Variants in MYO1E observed in about 807,000 individuals in gnomAD.
The protein encoded by MYO1E is myosin IE.
MYO1E carries 68 observed loss-of-function variants against 151.1 expected under a neutral mutation model. That is an observed-to-expected ratio of 0.45 (90% CI 0.37 to 0.55). The LOEUF (loss-of-function observed/expected upper bound fraction) is 0.55, where lower values mean the gene tolerates loss of function less well. Among genes scored for constraint, MYO1E ranks in the 20% least tolerant of loss-of-function variants. MYO1E has a pLI of 0.00. For missense variants in MYO1E, 1,363 were observed against 1,389.3 expected, an observed-to-expected ratio of 0.98 and a Z score of 0.30; for synonymous variants, 601 against 501.7, an observed-to-expected ratio of 1.20 and a Z score of -2.64.
intron 19 of MYO1E, among the ~76,000 whole-genome samples, chr15:59,176,646 G>C (rs1273039855): frequency 6.6e-6 from 1 of 151,922 alleles, no homozygotes; most frequent in Non-Finnish European, 1.5e-5. Flanking sequence ...TTTTTTTGTA[G>C]AGAAGAGGTC....
At chr15:59,270,757 A>T (rs1347259529) in intron 2 of MYO1E, among the ~76,000 whole-genome samples, 1 of 151,366 alleles carries the variant, frequency 6.6e-6, no homozygotes, top group Non-Finnish European at 1.5e-5. Flanking sequence ...TCCTGCCTCA[A>T]CCTCCCAAGT....
In MYO1E at chr15:59,158,396, A is replaced by G; in HGVS notation, c.2786-17T>C. On this transcript the variant is annotated splice_polypyrimidine_tract_variant and intron_variant, in intron 24 of 27. Transcript: ENST00000288235. ...TGGTAGGACCTGAAATAAACAAGAC[A>G]AAGTTAAAACCAGTGCTACTGGTTG... The G allele has an allele frequency of 6.5e-7, 1 of 1,541,988 alleles. No individual in the cohort carries two copies. Among genetic ancestry groups the G allele is most frequent in the South Asian group, 1.2e-5 (1 of 83,980 alleles).
chr15:59,305,960 G>A (rs1325545768), intron 1 of MYO1E, among the ~76,000 whole-genome samples: 2 of 152,240 alleles, frequency 1.3e-5, no homozygotes, highest in East Asian at 1.9e-4. Context: ...GACAACTGCA[G>A]AGCTACACAG....
intron 2 of MYO1E, among the ~76,000 whole-genome samples, chr15:59,271,897 G>A (rs543057835): frequency 1.4e-4 from 22 of 152,336 alleles, no homozygotes; most frequent in Non-Finnish European, 2.5e-4. Context: ...TCAAAGGGAC[G>A]ATATTATAGA....
intron 14 of MYO1E, chr15:59,207,143 A>G (rs755896123): frequency 6.2e-7 from 1 of 1,614,238 alleles, no homozygotes; most frequent in East Asian, 2.2e-5. Context: ...AAGCCCGTTC[A>G]TCACAGTAAG....
At chr15:59,209,918 T>G (rs2079868327) in intron 13 of MYO1E, among the ~76,000 whole-genome samples, 1 of 130,116 alleles carries the variant, frequency 7.7e-6, no homozygotes, top group Admixed American at 9.4e-5. Flanking sequence ...CACCACATCC[T>G]CAACCTCCCA....
At chr15:59,207,486 GATT>G (rs749578942) in intron 14 of MYO1E, 5 of 1,613,928 alleles carry the variant, frequency 3.1e-6, no homozygotes, top group Admixed American at 1.7e-5. Context: ...ACTGCAAACT[GATT>G]ATTGTTTCCA....
chr15:59,247,329 AC>A lies in MYO1E; in HGVS notation c.332+8954del, dbSNP rs2080136458. Among the ~76,000 whole-genome samples, 3 of 152,354 alleles carry A rather than the reference AC, an allele frequency of 2.0e-5. No homozygotes were observed. In the South Asian group the frequency reaches 6.2e-4, roughly 32 times the overall value. On this transcript the variant is annotated intron_variant, in intron 4 of 27. Coordinates refer to ENST00000288235, the MANE Select transcript of MYO1E (RefSeq NM_004998.4). ...TGTCCTATGGTATATGGTAGCTATT[AC>A]ATCTCCATTAAAATATGGGAAATTT... is the stretch of plus-strand genomic sequence containing the variant.
Position 59,218,024 on chromosome 15 carries a change from CTTG to C in MYO1E, c.971_973del (p.Thr324del). On this transcript the variant is annotated inframe_deletion, in exon 10 of 28. Coordinates refer to ENST00000288235, the MANE Select transcript of MYO1E (RefSeq NM_004998.4). ...TCCCCACTTGCTATCCATCTGCCGG[CTTG>C]TTAGCTTTTCTTTCAACCGGTCCTG... 1 of 1,614,234 alleles carries C rather than the reference CTTG, an allele frequency of 6.2e-7. No homozygotes were observed. The highest frequency in any genetic ancestry group is 8.5e-7 in the Non-Finnish European group (1 of 1,180,046).
At position 59,133,498 on chromosome 15, in the gene MYO1E, A is replaced by G. The variant is rs1166902810; in HGVS notation, c.*3882T>C. 2.6e-5 allele frequency: 2 copies of G among 76,706 alleles called. No individual in the cohort carries two copies. Among genetic ancestry groups the G allele is most frequent in the African/African-American group, 9.5e-5 (2 of 21,056 alleles). The allele number at this position is 76,706 out of a possible 1,614,324, so 4.8% of individuals were successfully genotyped here. ...TCTTCTTGTTAGAAAGGGTGCTCAGAGTGGAAAGGTATGATCTAGTAGGGA... is the reference window on the plus strand; with the variant it reads ...TCTTCTTGTTAGAAAGGGTGCTCAGGGTGGAAAGGTATGATCTAGTAGGGA... On this transcript the variant is annotated 3_prime_UTR_variant, in exon 28 of 28. Transcript: ENST00000288235.
chr15:59,248,128 A>AAC, intron 4 of MYO1E, among the ~76,000 whole-genome samples: 1 of 34,204 alleles, frequency 2.9e-5, no homozygotes, highest in Non-Finnish European at 5.4e-5. Flanking sequence ...ACTCCGTCTC[A>AAC]AAAAAAAAAA....
intron 16 of MYO1E, among the ~76,000 whole-genome samples, chr15:59,197,533 GCTA>G (rs1186019076): frequency 2.0e-5 from 3 of 152,178 alleles, no homozygotes; most frequent in Non-Finnish European, 4.4e-5. Context: ...TGAAGAGGTG[GCTA>G]CTATTTAATA....
At chr15:59,176,128 G>A (rs1325326348) in intron 19 of MYO1E, among the ~76,000 whole-genome samples, 1 of 151,654 alleles carries the variant, frequency 6.6e-6, no homozygotes, top group Non-Finnish European at 1.5e-5. Context: ...GCGCGATCTC[G>A]GCCCACTGCA....
chr15:59,314,861 T>TGAG (rs774758180), intron 1 of MYO1E, among the ~76,000 whole-genome samples: 1 of 152,108 alleles, frequency 6.6e-6, no homozygotes, highest in South Asian at 2.1e-4. Context: ...GTAGAGGGGC[T>TGAG]GAGGAGGAGG....
rs2079609084 is a variant in MYO1E, at chr15:59,173,802, T to G, written c.2278A>C (p.Lys760Gln). 6.2e-7 allele frequency: 1 copy of G among 1,613,984 alleles called. No homozygotes were observed. Among genetic ancestry groups the G allele is most frequent in the Non-Finnish European group, 8.5e-7 (1 of 1,179,968 alleles). ...EHPELQQFVG[K>Q]REKIDFADTV... Reference sequence around the variant, plus strand: ...TCTGCGAAATCAATCTTCTCCCTCTTGCCCACGAACTGCTGGAGTTCTGGG... The same window carrying G: ...TCTGCGAAATCAATCTTCTCCCTCTGGCCCACGAACTGCTGGAGTTCTGGG... Residue 760 changes from lysine to glutamine, a missense_variant, in exon 21 of 28, where the codon AAG becomes CAG. Transcript: ENST00000288235.
chr15:59,183,929 T>C (rs1340183622), intron 18 of MYO1E, among the ~76,000 whole-genome samples: 4 of 151,202 alleles, frequency 2.6e-5, no homozygotes, highest in African/African-American at 4.9e-5. Context: ...AGTGAGAACA[T>C]GTGATGTTTG....
At chr15:59,262,267 T>C (rs2080228582) in intron 2 of MYO1E, among the ~76,000 whole-genome samples, 1 of 151,582 alleles carries the variant, frequency 6.6e-6, no homozygotes, top group Non-Finnish European at 1.5e-5. Flanking sequence ...GGATACAAGA[T>C]GAACTAACAG....
At chr15:59,198,114 C>G (rs532160661) in intron 16 of MYO1E, among the ~76,000 whole-genome samples, 1 of 152,220 alleles carries the variant, frequency 6.6e-6, no homozygotes, top group East Asian at 1.9e-4. Flanking sequence ...AATCTTCCCA[C>G]CTTGGCCTCC....
rs574525274 is a variant in MYO1E at position 59,204,636 on chromosome 15, T to A, written c.1616+764A>T. Among the ~76,000 whole-genome samples, 3 of 152,266 alleles carry A rather than the reference T, an allele frequency of 2.0e-5. No individual in the cohort carries two copies. The East Asian group carries it at 5.8e-4, about 29-fold the overall frequency. On this transcript the variant is annotated intron_variant, in intron 15 of 27. Transcript: ENST00000288235. Reference sequence around the variant, plus strand: ...GGTGGTCTTGAGAGTTCTAGCAGCGTGCAAGGGGGATACCCTCCCTCTTCT... The same window carrying A: ...GGTGGTCTTGAGAGTTCTAGCAGCGAGCAAGGGGGATACCCTCCCTCTTCT...
Sources: gnomAD v4.1 joint callset for allele counts (sites outside exome capture counted in the v4.1 genomes callset) on GRCh38, gnomAD v4.1.1 for gene constraint, MANE v1.5 for transcripts, NCBI Gene and HGNC (gene_info 2026-07-23, HGNC 2026-07-21) for gene names.